DHDDS: variants seen among roughly 807,000 people sequenced by gnomAD.
DHDDS encodes the protein dehydrodolichyl diphosphate synthase complex subunit DHDDS.
DHDDS carries 16 observed loss-of-function variants against 46.2 expected under a neutral mutation model. The ratio of observed to expected loss-of-function variants is 0.35; its 90% CI spans 0.23 to 0.53. DHDDS has a LOEUF of 0.53. DHDDS is among the 20% of genes least tolerant of loss of function. The pLI is 0.94. For missense variants in DHDDS, 340 were observed against 423.7 expected, an observed-to-expected ratio of 0.80 and a Z score of 1.73; for synonymous variants, 151 against 163.1, an observed-to-expected ratio of 0.93 and a Z score of 0.56.
chr1:26,460,937 G>A (rs761962728), intron 8 of DHDDS, among the ~76,000 whole-genome samples: 6 of 152,076 alleles, frequency 3.9e-5, no homozygotes, highest in South Asian at 2.1e-4. Context: ...GCAGTGGTGC[G>A]ATCTGGGCTC....
At chr1:26,467,317 G>A (rs932924161) in intron 8 of DHDDS, 1 of 471,290 alleles carries the variant, frequency 2.1e-6, no homozygotes, top group African/African-American at 2.0e-5. Flanking sequence ...CCTGACCAAG[G>A]CCTGGAAGAA....
chr1:26,468,834 C>G (rs373754904), intron 8 of DHDDS, 61 bp from the exon 9 acceptor site: 2 of 1,152,382 alleles, frequency 1.7e-6, no homozygotes, highest in South Asian at 2.4e-5. Flanking sequence ...CCTCCTCCAT[C>G]CCAGTTTCAC....
chr1:26,446,344 A>G lies in DHDDS; in HGVS notation c.352A>G (p.Ile118Val), dbSNP rs1238106279. 6 of 1,613,834 alleles carry G rather than the reference A, an allele frequency of 3.7e-6. No homozygotes were observed. The highest frequency in any genetic ancestry group is 5.1e-6 in the Non-Finnish European group (6 of 1,179,916). ...KEKLQKHGVC[I>V]RVLGDLHLLP... Reference sequence around the variant, plus strand: ...GAAACTGCAGAAGCATGGGGTGTGTATCCGGGTCCTGGGCGATCTGCACTT... The same window carrying G: ...GAAACTGCAGAAGCATGGGGTGTGTGTCCGGGTCCTGGGCGATCTGCACTT... The change falls in exon 5 of 9, where the codon ATC becomes GTC. Residue 118 changes from isoleucine (I) to valine (V), a missense_variant. This residue lies in a region of DHDDS where 268 missense variants were observed against 300.3 expected (regional missense o/e 0.89). Transcript: ENST00000236342.
At chr1:26,446,179 T>C in intron 4 of DHDDS, 137 bp from the exon 5 acceptor site, 2 of 656,292 alleles carry the variant, frequency 3.0e-6, no homozygotes, top group Non-Finnish European at 5.4e-6. Flanking sequence ...AGGGATGCAA[T>C]GAAATAATGC....
chr1:26,433,516 G>A (rs1264877006), intron 2 of DHDDS, among the ~76,000 whole-genome samples: 1 of 151,916 alleles, frequency 6.6e-6, no homozygotes, highest in Non-Finnish European at 1.5e-5. Flanking sequence ...GGGCTTGGTG[G>A]TGTGCACCTG....
At chr1:26,463,986 T>C (rs1370819560) in intron 8 of DHDDS, among the ~76,000 whole-genome samples, 1 of 150,146 alleles carries the variant, frequency 6.7e-6, no homozygotes, top group Non-Finnish European at 1.5e-5. Context: ...GGATCATATT[T>C]GCAAACTTTT....
At chr1:26,455,965 C>G (rs560465385) in intron 6 of DHDDS, among the ~76,000 whole-genome samples, 8 of 152,296 alleles carry the variant, frequency 5.3e-5, no homozygotes, top group African/African-American at 1.7e-4. Flanking sequence ...AGGTAAACAG[C>G]ATTCTTGGAG....
intron 8 of DHDDS, among the ~76,000 whole-genome samples, chr1:26,461,197 C>T (rs1228416562): frequency 6.6e-6 from 1 of 152,038 alleles, no homozygotes; most frequent in Non-Finnish European, 1.5e-5. Context: ...GCTGCTTCTT[C>T]AGTCTGGAGA....
intron 6 of DHDDS, among the ~76,000 whole-genome samples, chr1:26,448,849 T>C (rs1157530429): frequency 2.0e-5 from 3 of 152,196 alleles, no homozygotes; most frequent in Non-Finnish European, 4.4e-5. Flanking sequence ...TCTTATCCTT[T>C]ACCTCTATTA....
intron 2 of DHDDS, 62 bp from the exon 3 acceptor site, chr1:26,438,106 G>C (rs1273531929): frequency 6.4e-7 from 1 of 1,551,282 alleles, no homozygotes; most frequent in African/African-American, 1.4e-5. Context: ...TTGGGGTGTA[G>C]TGTCTTCCTT....
At chr1:26,439,227 G>A (rs571263839) in intron 3 of DHDDS, among the ~76,000 whole-genome samples, 5 of 152,198 alleles carry the variant, frequency 3.3e-5, no homozygotes, top group East Asian at 1.9e-4. Context: ...CACTGCACCC[G>A]GCCAACATTT....
At chr1:26,468,823 A>G in intron 8 of DHDDS, 72 bp from the exon 9 acceptor site, 1 of 1,375,570 alleles carries the variant, frequency 7.3e-7, no homozygotes. Flanking sequence ...CCCACCCCCT[A>G]CCTCCTCCAT....
intron 6 of DHDDS, among the ~76,000 whole-genome samples, chr1:26,456,138 T>G (rs1468692393): frequency 6.6e-6 from 1 of 152,242 alleles, no homozygotes; most frequent in Non-Finnish European, 1.5e-5. Context: ...CTGATCATAT[T>G]GCTGTTTATT....
intron 8 of DHDDS, among the ~76,000 whole-genome samples, chr1:26,463,923 G>C (rs1015506654): frequency 1.3e-5 from 2 of 151,946 alleles, no homozygotes; most frequent in African/African-American, 4.8e-5. Context: ...TGTTTCCTGG[G>C]ATGGGGTGGA....
intron 6 of DHDDS, among the ~76,000 whole-genome samples, chr1:26,450,117 A>G (rs1457550914): frequency 1.3e-5 from 2 of 152,120 alleles, no homozygotes; most frequent in Non-Finnish European, 2.9e-5. Context: ...AACTTGAGCA[A>G]AGAGGGGATG....
chr1:26,436,850 G>A (rs1314242900), intron 2 of DHDDS, among the ~76,000 whole-genome samples: 2 of 152,108 alleles, frequency 1.3e-5, no homozygotes, highest in African/African-American at 4.8e-5. Flanking sequence ...ATGGACATCA[G>A]TTTGAATCCC....
chr1:26,467,722 T>C (rs1237150113), intron 8 of DHDDS, among the ~76,000 whole-genome samples: 1 of 152,060 alleles, frequency 6.6e-6, no homozygotes, highest in East Asian at 1.9e-4. Flanking sequence ...TAATACAAGG[T>C]AGAATGTGGG....
chr1:26,463,514 CTTT>C (rs1319675612), intron 8 of DHDDS: 2 of 151,414 alleles, frequency 1.3e-5, no homozygotes, highest in Admixed American at 6.6e-5. Flanking sequence ...ACTCTTGTTT[CTTT>C]TTTTTTGAAA....
In DHDDS at chr1:26,468,890, A is replaced by G; in HGVS notation, c.766-5A>G. On this transcript the variant is annotated splice_polypyrimidine_tract_variant and splice_region_variant and intron_variant, in intron 8 of 8. Coordinates refer to ENST00000236342, the MANE Select transcript of DHDDS (RefSeq NM_205861.3). The stretch of plus-strand genomic sequence containing the variant: ...CCCACCCCAATCCCCACTTTTCTCT[A>G]GCAGAAGGCCCGAGACATGTATGCA... 4 of 1,604,476 alleles carry G rather than the reference A, an allele frequency of 2.5e-6. No homozygotes were observed. The South Asian group carries it at 3.3e-5, about 13-fold the overall frequency.
Sources: gnomAD v4.1 joint callset for allele counts (sites outside exome capture counted in the v4.1 genomes callset) on GRCh38, gnomAD v4.1.1 for gene constraint, gnomAD v4.1.1 regional missense constraint, MANE v1.5 for transcripts, NCBI Gene and HGNC (gene_info 2026-07-23, HGNC 2026-07-21) for gene names.